NAV2: variants seen among roughly 807,000 people sequenced by gnomAD.
NAV2 encodes the protein neuron navigator 2.
In NAV2, 54 loss-of-function variants were observed where a neutral mutation model predicts 223.2. The ratio of observed to expected loss-of-function variants is 0.24; its 90% CI spans 0.19 to 0.30. NAV2 has a LOEUF of 0.30. NAV2 is among the 10% of genes least tolerant of loss of function. NAV2 has a pLI of 1.00. For synonymous variants in NAV2, 1,279 were observed against 1,239.3 expected (o/e 1.03, Z -0.67); for missense variants, 2,806 against 3,147.5 (o/e 0.89, Z 2.60).
At position 20,043,832 on chromosome 11, in the gene NAV2, A is replaced by G. The variant is rs1323376555; in HGVS notation, c.2908-149A>G. ...AAAAAAAATCAGTCTTTCTAACAAG[A>G]TAACCAGAGTACAAAAGTCCAAACA... On this transcript the variant is annotated intron_variant, in intron 12 of 37. Coordinates refer to ENST00000349880, the MANE Select transcript of NAV2 (RefSeq NM_145117.5). 4.7e-6 allele frequency: 3 copies of G among 644,000 alleles called. No homozygotes were observed. In the African/African-American group the frequency reaches 5.5e-5, roughly 12 times the overall value. 39.9% of individuals were successfully genotyped at this position (644,000 alleles called of 1,614,324 possible). A position where few individuals can be genotyped will look rare whatever the true frequency, so the allele number is the denominator to read the frequency against.
chr11:19,802,107 C>G (rs1290048505), intron 1 of NAV2, among the ~76,000 whole-genome samples: 1 of 152,122 alleles, frequency 6.6e-6, no homozygotes, highest in Admixed American at 6.6e-5. Flanking sequence ...CTTTTATCTC[C>G]GAAGGGCTAG....
At chr11:19,817,526 G>A (rs2059151769) in intron 1 of NAV2, among the ~76,000 whole-genome samples, 1 of 152,146 alleles carries the variant, frequency 6.6e-6, no homozygotes, top group African/African-American at 2.4e-5. Context: ...ACGCCTCAGT[G>A]GGTGATGAGG....
At chr11:19,578,627 C>T (rs139488661) in intron 1 of NAV2, among the ~76,000 whole-genome samples, 199 of 152,346 alleles carry the variant, frequency 1.3e-3, no homozygotes, top group Non-Finnish European at 2.5e-3. Context: ...ACTAATACCT[C>T]CCATTTGTAG....
intron 1 of NAV2, among the ~76,000 whole-genome samples, chr11:19,617,777 G>T (rs2046843553): frequency 6.6e-6 from 1 of 152,056 alleles, no homozygotes. Context: ...CCTGCATTCA[G>T]ATTACAAATC....
intron 1 of NAV2, among the ~76,000 whole-genome samples, chr11:19,406,437 G>A (rs1410593271): frequency 6.6e-6 from 1 of 152,174 alleles, no homozygotes; most frequent in Non-Finnish European, 1.5e-5. Flanking sequence ...TCCAGAAGAG[G>A]AAAAGGGAAC....
intron 5 of NAV2, among the ~76,000 whole-genome samples, 165 bp downstream of exon 5, chr11:19,880,292 G>T (rs2063121513): frequency 6.6e-6 from 1 of 152,220 alleles, no homozygotes; most frequent in South Asian, 2.1e-4. Context: ...CATGCAGTGA[G>T]GAGCCCTTCT....
chr11:20,022,329 C>G (rs181860321), intron 11 of NAV2, among the ~76,000 whole-genome samples: 2 of 152,290 alleles, frequency 1.3e-5, no homozygotes, highest in African/African-American at 4.8e-5. Context: ...AGCTGGGACT[C>G]TCTCCCACCC....
chr11:20,059,409 C>T (rs1445834215), intron 19 of NAV2, among the ~76,000 whole-genome samples: 1 of 152,152 alleles, frequency 6.6e-6, no homozygotes, highest in Non-Finnish European at 1.5e-5. Flanking sequence ...TGATGAGGGT[C>T]AGAGGCACTT....
At chr11:19,374,466 C>T (rs984136263) in intron 1 of NAV2, among the ~76,000 whole-genome samples, 1 of 152,170 alleles carries the variant, frequency 6.6e-6, no homozygotes, top group Admixed American at 6.5e-5. Context: ...ATAGTGTATT[C>T]TCTGGCAACA....
At chr11:19,864,631 A>G (rs1430248093) in intron 3 of NAV2, among the ~76,000 whole-genome samples, 1 of 152,218 alleles carries the variant, frequency 6.6e-6, no homozygotes, top group African/African-American at 2.4e-5. Flanking sequence ...CAAAGGCTGC[A>G]ACACAGCCCA....
chr11:19,450,329 C>T (rs1209577353), intron 1 of NAV2, among the ~76,000 whole-genome samples: 1 of 152,184 alleles, frequency 6.6e-6, no homozygotes, highest in Middle Eastern at 3.2e-3. Context: ...TTCCCTTCCC[C>T]TCTCATTTTT....
chr11:20,063,639 T>C (rs189503644), intron 20 of NAV2, among the ~76,000 whole-genome samples: 1 of 152,264 alleles, frequency 6.6e-6, no homozygotes, highest in East Asian at 1.9e-4. Context: ...CCTCCCGAAG[T>C]GTTGGGATTA....
intron 5 of NAV2, among the ~76,000 whole-genome samples, chr11:19,886,987 C>G (rs192139343): frequency 1.3e-5 from 2 of 152,250 alleles, no homozygotes; most frequent in African/African-American, 4.8e-5. Flanking sequence ...CTCTACACCC[C>G]CCTTTCCCCA....
chr11:19,877,025 A>T (rs1408783023), intron 4 of NAV2, among the ~76,000 whole-genome samples: 1 of 151,538 alleles, frequency 6.6e-6, no homozygotes, highest in Non-Finnish European at 1.5e-5. Context: ...TATTTTATTT[A>T]TTAAAATAAA....
chr11:19,573,449 T>A (rs900008187), intron 1 of NAV2, among the ~76,000 whole-genome samples: 9 of 152,218 alleles, frequency 5.9e-5, no homozygotes, highest in African/African-American at 2.2e-4. Context: ...GCACATAGTA[T>A]GGACTCAATG....
chr11:19,840,585 A>G (rs2060457255), intron 2 of NAV2, among the ~76,000 whole-genome samples: 1 of 152,166 alleles, frequency 6.6e-6, no homozygotes, highest in South Asian at 2.1e-4. Context: ...AAAGCTGCAT[A>G]TTTATTCTCT....
chr11:19,955,542 A>G (rs894551), intron 10 of NAV2, among the ~76,000 whole-genome samples: 138,223 of 152,280 alleles, frequency 0.91, 62,828 homozygotes, highest in East Asian at 0.98. Flanking sequence ...CTGTCAGTTT[A>G]GACTGCCTCT....
At chr11:19,590,800 G>A (rs569197947) in intron 1 of NAV2, among the ~76,000 whole-genome samples, 1 of 152,244 alleles carries the variant, frequency 6.6e-6, no homozygotes, top group African/African-American at 2.4e-5. Flanking sequence ...TTTACATGTT[G>A]TCATTCGTTC....
chr11:19,667,593 G>T (rs2048451126), intron 1 of NAV2, among the ~76,000 whole-genome samples: 1 of 152,200 alleles, frequency 6.6e-6, no homozygotes, highest in South Asian at 2.1e-4. Flanking sequence ...ACAGGTCCTA[G>T]AACATAATAA....
Sources: allele counts gnomAD v4.1 joint callset (sites outside exome capture counted in the v4.1 genomes callset), GRCh38; gene constraint gnomAD v4.1.1; transcripts MANE v1.5; gene names NCBI Gene and HGNC (gene_info 2026-07-23, HGNC 2026-07-21).